ANKRD30B: variants seen among roughly 807,000 people sequenced by gnomAD.
ANKRD30B encodes ankyrin repeat domain-containing protein 30B.
Under a neutral mutation model 202.2 loss-of-function variants are expected in ANKRD30B, and 144 were observed. The observed-to-expected ratio is 0.71, with a 90% CI of 0.62 to 0.82. The LOEUF (loss-of-function observed/expected upper bound fraction) is 0.82, where lower values mean the gene tolerates loss of function less well. Ranked by LOEUF, ANKRD30B falls within the 40% of genes least tolerant of loss-of-function variation. The pLI, the probability that ANKRD30B is intolerant of heterozygous loss-of-function variation, is 0.00. For synonymous variants in ANKRD30B, 508 were observed against 561.3 expected, an observed-to-expected ratio of 0.91 and a Z score of 1.34; for missense variants, 1,487 against 1,669.1, an observed-to-expected ratio of 0.89 and a Z score of 1.90.
At chr18:14,909,668 A>C in the ANKRD30B span, among the ~76,000 whole-genome samples, 2 of 152,166 alleles carry the variant, frequency 1.3e-5, no homozygotes, top group Admixed American at 6.5e-5. Flanking sequence ...TGGCCTCCCA[A>C]AGTGCTGAGA....
Position 14,753,619 on chromosome 18 carries a change from G to C in ANKRD30B, c.510+607G>C, listed in dbSNP as rs538176983. Among the ~76,000 whole-genome samples, 16 of 152,170 alleles carry C rather than the reference G, an allele frequency of 1.1e-4. No individual in the cohort carries two copies. In the East Asian group the frequency reaches 1.9e-3, roughly 18 times the overall value. ...AGTTGATAGCTGTTTATAATATATA[G>C]TTTATATTTTACATTAATTCATTAA... On this transcript the variant is annotated intron_variant, in intron 3 of 43. Coordinates refer to ENST00000690538, the MANE Select transcript of ANKRD30B (RefSeq NM_001367607.2).
chr18:14,816,523 C>T lies in ANKRD30B; in HGVS notation c.2641+1812C>T, dbSNP rs1970115012. 2.0e-5 allele frequency: 3 copies of T among 151,222 alleles called. No homozygotes were observed. In the Admixed American group the frequency reaches 2.0e-4, roughly 10 times the overall value. The allele number at this position is 151,222 out of a possible 1,614,324, so 9.4% of individuals were successfully genotyped here. On this transcript the variant is annotated intron_variant, in intron 30 of 43. Coordinates refer to ENST00000690538, the MANE Select transcript of ANKRD30B (RefSeq NM_001367607.2). ...TAGCCAAGCATGGTGGTGGGTGCCT[C>T]TAGTCCCAGCTACTCGGGAGGCTGA...
At chr18:14,927,884 C>T in the ANKRD30B span, among the ~76,000 whole-genome samples, 1 of 152,140 alleles carries the variant, frequency 6.6e-6, no homozygotes, top group African/African-American at 2.4e-5. Flanking sequence ...GTAGGCTCCA[C>T]CACACGTGTG....
chr18:14,750,326 A>C (rs868514801), intron 1 of ANKRD30B, among the ~76,000 whole-genome samples: 7 of 152,162 alleles, frequency 4.6e-5, no homozygotes, highest in Non-Finnish European at 8.8e-5. Context: ...CTAATTTAAA[A>C]CTGGGCAAAG....
At chr18:14,937,827 T>C in the ANKRD30B span, among the ~76,000 whole-genome samples, 1 of 152,194 alleles carries the variant, frequency 6.6e-6, no homozygotes, top group East Asian at 1.9e-4. Flanking sequence ...ACTTCAAGAA[T>C]GTGGACAACT....
the ANKRD30B span, chr18:14,909,862 C>T: frequency 3.3e-5 from 5 of 152,040 alleles, no homozygotes; most frequent in Non-Finnish European, 7.4e-5. Flanking sequence ...CTAGCATCTA[C>T]TTTGTGGTTT....
At chr18:14,936,837 G>A in the ANKRD30B span, among the ~76,000 whole-genome samples, 1 of 152,222 alleles carries the variant, frequency 6.6e-6, no homozygotes, top group Non-Finnish European at 1.5e-5. Flanking sequence ...TAAGCAAGAC[G>A]GGGCCAGGCT....
rs972765452 is a variant in ANKRD30B, at chr18:14,824,392, C to T, written c.2743+1715C>T. Among the ~76,000 whole-genome samples the T allele has an allele frequency of 7.9e-5, 12 of 152,160 alleles. 1 individual carries two copies. In the South Asian group the frequency reaches 2.1e-3, roughly 26 times the overall value. ...TTTTGGAGATGGAGTTTCCCTCTTT[C>T]GCCCAGGCTGGAGTGCAACGGTGTG... On this transcript the variant is annotated intron_variant, in intron 32 of 43. Transcript: ENST00000690538.
chr18:14,860,696 A>G, the ANKRD30B span, among the ~76,000 whole-genome samples: 1 of 151,780 alleles, frequency 6.6e-6, no homozygotes, highest in African/African-American at 2.4e-5. Flanking sequence ...AGAAAAAAAA[A>G]TGCCATCCAA....
chr18:14,930,075 C>T, the ANKRD30B span, among the ~76,000 whole-genome samples: 1 of 152,100 alleles, frequency 6.6e-6, no homozygotes, highest in South Asian at 2.1e-4. Context: ...AATGTATTGC[C>T]TTAAGAACAT....
chr18:14,841,243 T>C (rs373855874), intron 37 of ANKRD30B, among the ~76,000 whole-genome samples: 2 of 152,344 alleles, frequency 1.3e-5, no homozygotes, highest in Non-Finnish European at 2.9e-5. Flanking sequence ...ATTTGTCATA[T>C]ACACTCAGTA....
chr18:14,904,050 T>C, the ANKRD30B span, among the ~76,000 whole-genome samples: 3 of 152,208 alleles, frequency 2.0e-5, no homozygotes, highest in Non-Finnish European at 4.4e-5. Context: ...GCTCCATTGT[T>C]ATTAACACCT....
At chr18:14,798,966 G>T (rs1363646047) in intron 20 of ANKRD30B, 135 bp from the exon 21 acceptor site, 2 of 967,598 alleles carry the variant, frequency 2.1e-6, no homozygotes, top group Admixed American at 1.8e-5. Context: ...TAACCCAAAA[G>T]ACCCCAAAAC....
intron 16 of ANKRD30B, among the ~76,000 whole-genome samples, chr18:14,793,621 G>A (rs371579410): frequency 3.9e-5 from 6 of 152,084 alleles, no homozygotes; most frequent in African/African-American, 9.6e-5. Flanking sequence ...CAGGCCAGGC[G>A]TGGTGACTCA....
At chr18:14,819,394 T>G (rs770071754) in intron 30 of ANKRD30B, among the ~76,000 whole-genome samples, 1 of 150,106 alleles carries the variant, frequency 6.7e-6, no homozygotes, top group African/African-American at 2.4e-5. Flanking sequence ...ATTTTGTCTT[T>G]TGTTGCCATT....
At chr18:14,940,073 C>T in the ANKRD30B span, among the ~76,000 whole-genome samples, 1 of 152,228 alleles carries the variant, frequency 6.6e-6, no homozygotes, top group Non-Finnish European at 1.5e-5. Context: ...TTTGACTGTG[C>T]AGCAGAATCA....
At chr18:14,796,969 A>G (rs1386279492) in intron 18 of ANKRD30B, among the ~76,000 whole-genome samples, 1 of 152,214 alleles carries the variant, frequency 6.6e-6, no homozygotes, top group East Asian at 1.9e-4. Flanking sequence ...GTAATTTCTA[A>G]CAAAGCCTTA....
intron 41 of ANKRD30B, among the ~76,000 whole-genome samples, chr18:14,850,680 T>A (rs2143265813): frequency 6.6e-6 from 1 of 152,028 alleles, no homozygotes; most frequent in Non-Finnish European, 1.5e-5. Flanking sequence ...TTTTTCCTAG[T>A]TAACATTTAA....
chr18:14,800,473 T>C (rs866038587), intron 22 of ANKRD30B, among the ~76,000 whole-genome samples: 4,439 of 146,668 alleles, frequency 0.03, 115 homozygotes, highest in Non-Finnish European at 0.043. Flanking sequence ...TCCAGACGCC[T>C]ACCACAACGC....
Sources: allele counts gnomAD v4.1 joint callset (sites outside exome capture counted in the v4.1 genomes callset), GRCh38; gene constraint gnomAD v4.1.1; transcripts MANE v1.5; gene names NCBI Gene and HGNC (gene_info 2026-07-23, HGNC 2026-07-21).